Variants in DOCK4 observed in about 807,000 individuals in gnomAD.
The protein encoded by DOCK4 is dedicator of cytokinesis protein 4.
DOCK4 carries 97 observed loss-of-function variants against 268.1 expected under a neutral mutation model. That is an observed-to-expected ratio of 0.36 (90% CI 0.31 to 0.43). The LOEUF is 0.43. DOCK4 is among the 20% of genes least tolerant of loss of function. DOCK4 has a pLI of 1.00. For missense variants in DOCK4, 2,145 were observed against 2,455.7 expected, an observed-to-expected ratio of 0.87 and a Z score of 2.67; for synonymous variants, 954 against 887.2, an observed-to-expected ratio of 1.08 and a Z score of -1.34.
chr7:111,759,784 T>C (rs1797260263), intron 40 of DOCK4, among the ~76,000 whole-genome samples: 1 of 98,628 alleles, frequency 1.0e-5, no homozygotes, highest in African/African-American at 4.1e-5. Context: ...ATACAAATAA[T>C]CAGGGTGGGG....
intron 27 of DOCK4, among the ~76,000 whole-genome samples, chr7:111,814,524 G>A (rs955469521): frequency 6.6e-6 from 1 of 152,126 alleles, no homozygotes; most frequent in African/African-American, 2.4e-5. Context: ...CAGGTACCTG[G>A]TGATCTAGTT....
chr7:111,845,570 C>A (rs756934681), intron 24 of DOCK4, among the ~76,000 whole-genome samples: 36 of 152,146 alleles, frequency 2.4e-4, no homozygotes, highest in Non-Finnish European at 4.4e-4. Context: ...ATTACACCTG[C>A]ACAAAACAAA....
In DOCK4 at chr7:112,081,888, G is replaced by A. The variant is rs80297597; in HGVS notation, c.38-77757C>T. 9.6e-3 allele frequency among the ~76,000 whole-genome samples: 1,459 copies of A among 152,200 alleles called. 16 individuals carry two copies. Among genetic ancestry groups the A allele is most frequent in the Middle Eastern group, 0.044 (13 of 294 alleles). ...AAAGAGGAAGATCACAGAGTAATGC[G>A]CAAGATCTCCTAGTGCTCATGAGTC... On this transcript the variant is annotated intron_variant, in intron 1 of 52. Coordinates refer to ENST00000428084, the MANE Select transcript of DOCK4 (RefSeq NM_001363540.2).
At chr7:112,051,010 A>C (rs764361540) in intron 1 of DOCK4, among the ~76,000 whole-genome samples, 3 of 152,172 alleles carry the variant, frequency 2.0e-5, no homozygotes, top group Non-Finnish European at 4.4e-5. Context: ...TTCTAAGAGT[A>C]AAATATGGCC....
chr7:112,042,406 T>C (rs1032834295), intron 1 of DOCK4, among the ~76,000 whole-genome samples: 2 of 152,118 alleles, frequency 1.3e-5, no homozygotes, highest in South Asian at 2.1e-4. Flanking sequence ...CTTGCAGACA[T>C]TGAGGAAGGA....
intron 42 of DOCK4, among the ~76,000 whole-genome samples, chr7:111,748,475 A>G (rs1796421888): frequency 6.6e-6 from 1 of 152,140 alleles, no homozygotes; most frequent in South Asian, 2.1e-4. Flanking sequence ...ACCACTTACA[A>G]AGGAATACAT....
intron 1 of DOCK4, among the ~76,000 whole-genome samples, chr7:112,129,650 A>C (rs1029732046): frequency 2.0e-5 from 3 of 152,224 alleles, no homozygotes; most frequent in South Asian, 2.1e-4. Context: ...AGGGTACATA[A>C]AATTTCTTCA....
intron 1 of DOCK4, among the ~76,000 whole-genome samples, chr7:112,081,159 G>C (rs755375017): frequency 6.6e-6 from 1 of 152,026 alleles, no homozygotes; most frequent in Admixed American, 6.6e-5. Flanking sequence ...AAAAAGAATC[G>C]AAACAGGAAG....
At chr7:112,116,443 A>G (rs1563099994) in intron 1 of DOCK4, among the ~76,000 whole-genome samples, 1 of 152,168 alleles carries the variant, frequency 6.6e-6, no homozygotes, top group Non-Finnish European at 1.5e-5. Flanking sequence ...TTTACTAAAA[A>G]ATGCTCACCT....
At chr7:111,869,790 T>G in intron 20 of DOCK4, 135 bp from the exon 21 acceptor site, 1 of 690,868 alleles carries the variant, frequency 1.4e-6, no homozygotes, top group Non-Finnish European at 2.5e-6. Context: ...GTCAATCTGC[T>G]GTATAATAAT....
intron 8 of DOCK4, among the ~76,000 whole-genome samples, chr7:111,970,939 A>G (rs1586534287): frequency 6.6e-6 from 1 of 152,202 alleles, no homozygotes; most frequent in African/African-American, 2.4e-5. Context: ...GTTTAGAAAC[A>G]AAAGTAATGG....
At chr7:112,137,754 G>C (rs1814497489) in intron 1 of DOCK4, among the ~76,000 whole-genome samples, 1 of 152,162 alleles carries the variant, frequency 6.6e-6, no homozygotes, top group South Asian at 2.1e-4. Context: ...CCAAGGTTCT[G>C]CAGCCATACA....
At chr7:111,755,421 A>C in intron 42 of DOCK4, 94 bp downstream of exon 42, 1 of 1,204,698 alleles carries the variant, frequency 8.3e-7, no homozygotes, top group Non-Finnish European at 1.2e-6. Context: ...GCTTCCAGAG[A>C]ATCTGGGTCG....
chr7:112,142,903 G>A (rs1428646433), intron 1 of DOCK4, among the ~76,000 whole-genome samples: 1 of 151,894 alleles, frequency 6.6e-6, no homozygotes, highest in Admixed American at 6.6e-5. Flanking sequence ...GCATAGCACA[G>A]GATATTTATC....
At chr7:112,147,485 T>A (rs1000222675) in intron 1 of DOCK4, among the ~76,000 whole-genome samples, 4 of 152,298 alleles carry the variant, frequency 2.6e-5, no homozygotes, top group Admixed American at 2.0e-4. Context: ...GAGTCAACAT[T>A]CTTACAGTTA....
chr7:111,882,851 C>T (rs1439647125), intron 16 of DOCK4, among the ~76,000 whole-genome samples: 7 of 152,090 alleles, frequency 4.6e-5, no homozygotes, highest in East Asian at 3.9e-4. Flanking sequence ...TCAGGTGATC[C>T]GCCTGCCTCA....
Position 112,132,461 on chromosome 7 carries a change from G to A in DOCK4, c.37+73641C>T, listed in dbSNP as rs1354086551. ...TGGCAGCTCACACAAAGGATGCAAT[G>A]TTAAAAATAGCATCAACAACATTCA... On this transcript the variant is annotated intron_variant, in intron 1 of 52. Coordinates refer to ENST00000428084, the MANE Select transcript of DOCK4 (RefSeq NM_001363540.2). 2.6e-5 allele frequency among the ~76,000 whole-genome samples: 4 copies of A among 152,116 alleles called. No individual in the cohort carries two copies. The East Asian group carries it at 7.7e-4, about 29-fold the overall frequency.
intron 6 of DOCK4, 28 bp from the exon 7 acceptor site, chr7:111,984,418 G>A: frequency 2.5e-6 from 4 of 1,588,778 alleles, no homozygotes; most frequent in Non-Finnish European, 3.4e-6. Flanking sequence ...AAAGTTTGGG[G>A]GAAAAGTTAC....
chr7:112,091,380 CTA>C (rs1809614197), intron 1 of DOCK4, among the ~76,000 whole-genome samples: 1 of 152,026 alleles, frequency 6.6e-6, no homozygotes, highest in African/African-American at 2.4e-5. Flanking sequence ...CTGGGCATTC[CTA>C]GGCCGTCTTC....
Sources: gnomAD v4.1 joint callset for allele counts (sites outside exome capture counted in the v4.1 genomes callset) on GRCh38, gnomAD v4.1.1 for gene constraint, MANE v1.5 for transcripts, NCBI Gene and HGNC (gene_info 2026-07-23, HGNC 2026-07-21) for gene names.